The following SLC16A9 variants were observed in gnomAD, a reference collection of about 807,000 sequenced individuals.
SLC16A9 encodes the protein solute carrier family 16 member 9.
A neutral mutation model predicts 44.3 loss-of-function variants in SLC16A9; 26 were observed. The ratio of observed to expected loss-of-function variants is 0.59; its 90% confidence interval spans 0.43 to 0.81. The LOEUF (loss-of-function observed/expected upper bound fraction) is 0.81, where lower values mean the gene tolerates loss of function less well. Among genes scored for constraint, SLC16A9 ranks in the 40% least tolerant of loss-of-function variants. The pLI is 0.00. For missense variants in SLC16A9, 559 were observed against 595.8 expected, an observed-to-expected ratio of 0.94 and a Z score of 0.64; for synonymous variants, 230 against 225.1, an observed-to-expected ratio of 1.02 and a Z score of -0.19.
chr10:59,674,150 C>T (rs970370062), intron 2 of SLC16A9, among the ~76,000 whole-genome samples: 1 of 152,150 alleles, frequency 6.6e-6, no homozygotes, highest in African/African-American at 2.4e-5. Context: ...GCTATACTGT[C>T]ATGATACATA....
At chr10:59,701,416 G>T (rs898386765) in intron 1 of SLC16A9, among the ~76,000 whole-genome samples, 3 of 152,128 alleles carry the variant, frequency 2.0e-5, no homozygotes, top group African/African-American at 7.2e-5. Context: ...CAATTTTTCA[G>T]ATCCTTCCAT....
intron 1 of SLC16A9, among the ~76,000 whole-genome samples, chr10:59,696,681 A>G (rs1326366508): frequency 1.4e-5 from 2 of 140,046 alleles, no homozygotes. Context: ...CCGGCCGCCC[A>G]TCATCTGAGA....
At chr10:59,663,292 C>G (rs1241386197) in intron 4 of SLC16A9, among the ~76,000 whole-genome samples, 1 of 151,932 alleles carries the variant, frequency 6.6e-6, no homozygotes, top group African/African-American at 2.4e-5. Context: ...ACCCGGGAGG[C>G]AGAGGTTGTG....
chr10:59,706,901 G>A (rs1025503978), intron 1 of SLC16A9, among the ~76,000 whole-genome samples: 6 of 150,488 alleles, frequency 4.0e-5, no homozygotes, highest in Admixed American at 1.3e-4. Flanking sequence ...TTGAACCCGG[G>A]AGGCAGAGGT....
chr10:59,707,275 G>GAGGGAAGGGAAGGGAAGGGAAGGGA (rs1160399534), intron 1 of SLC16A9, among the ~76,000 whole-genome samples: 15 of 62,696 alleles, frequency 2.4e-4, no homozygotes, highest in African/African-American at 8.9e-4. Flanking sequence ...GAGGGGAGAG[G>GAGGGAAGGGAAGGGAAGGGAAGGGA]AGGGAAGGGA....
chr10:59,706,168 C>A (rs1438882915), intron 1 of SLC16A9, among the ~76,000 whole-genome samples: 1 of 151,578 alleles, frequency 6.6e-6, no homozygotes, highest in Non-Finnish European at 1.5e-5. Context: ...ATGTTCTACC[C>A]TATGACTCCA....
At chr10:59,675,085 A>T (rs1839830162) in intron 2 of SLC16A9, among the ~76,000 whole-genome samples, 1 of 152,236 alleles carries the variant, frequency 6.6e-6, no homozygotes, top group African/African-American at 2.4e-5. Flanking sequence ...CTCTACTTTC[A>T]CATTGCCATC....
At chr10:59,661,328 C>CA (rs1447512323) in intron 4 of SLC16A9, among the ~76,000 whole-genome samples, 1 of 152,128 alleles carries the variant, frequency 6.6e-6, no homozygotes, top group Non-Finnish European at 1.5e-5. Context: ...AAATCAATGG[C>CA]AAAAATCACA....
At chr10:59,696,486 C>T (rs376652287) in intron 1 of SLC16A9, among the ~76,000 whole-genome samples, 53 of 152,190 alleles carry the variant, frequency 3.5e-4, no homozygotes, top group Admixed American at 7.2e-4. Context: ...TGCCTTGGCC[C>T]CCCAAAGTGC....
chr10:59,683,975 G>C, intron 2 of SLC16A9, 121 bp downstream of exon 2: 1 of 704,378 alleles, frequency 1.4e-6, no homozygotes. Context: ...TGCAATGAAG[G>C]CAGGAAAAGA....
chr10:59,705,647 A>T (rs1307125579), intron 1 of SLC16A9, among the ~76,000 whole-genome samples: 4 of 152,232 alleles, frequency 2.6e-5, no homozygotes, highest in Admixed American at 6.5e-5. Flanking sequence ...ATATCATAGG[A>T]ATGCAGGTTT....
intron 1 of SLC16A9, among the ~76,000 whole-genome samples, chr10:59,688,994 G>A (rs926087643): frequency 1.3e-5 from 2 of 151,888 alleles, no homozygotes; most frequent in East Asian, 3.9e-4. Context: ...CCCTGCCTTC[G>A]GTGACATTTC....
At chr10:59,686,864 C>A (rs1053634239) in intron 1 of SLC16A9, among the ~76,000 whole-genome samples, 1 of 152,154 alleles carries the variant, frequency 6.6e-6, no homozygotes, top group African/African-American at 2.4e-5. Flanking sequence ...TTCAGGACAT[C>A]CTCCACCTTG....
chr10:59,706,999 CAAAA>C (rs760131923), intron 1 of SLC16A9, among the ~76,000 whole-genome samples: 1 of 90,510 alleles, frequency 1.1e-5, no homozygotes, highest in Admixed American at 1.2e-4. Context: ...AACTCCATCT[CAAAA>C]AAAAAAAAAA....
chr10:59,700,803 T>G (rs1840506028), intron 1 of SLC16A9, among the ~76,000 whole-genome samples: 1 of 152,208 alleles, frequency 6.6e-6, no homozygotes, highest in Admixed American at 6.5e-5. Flanking sequence ...TGGCATTCCC[T>G]GCATCCTCAC....
chr10:59,706,446 G>T (rs529029130), intron 1 of SLC16A9, among the ~76,000 whole-genome samples: 1 of 152,188 alleles, frequency 6.6e-6, no homozygotes, highest in East Asian at 1.9e-4. Context: ...CAATACAGTG[G>T]TTCCTCAGAA....
chr10:59,681,057 C>A (rs950450274), intron 2 of SLC16A9, among the ~76,000 whole-genome samples: 3 of 151,908 alleles, frequency 2.0e-5, no homozygotes, highest in African/African-American at 4.8e-5. Context: ...AGACTGTCTG[C>A]GTGTCAAATC....
At chr10:59,693,103 T>C (rs1044936660) in intron 1 of SLC16A9, among the ~76,000 whole-genome samples, 1 of 152,240 alleles carries the variant, frequency 6.6e-6, no homozygotes, top group African/African-American at 2.4e-5. Flanking sequence ...TTTCATTTTA[T>C]ACTGTTCAAG....
chr10:59,664,409 A>G (rs1322974020), intron 3 of SLC16A9, 87 bp from the exon 4 acceptor site: 2 of 787,334 alleles, frequency 2.5e-6, no homozygotes, highest in Non-Finnish European at 4.1e-6. Flanking sequence ...GTCCGATAAG[A>G]CATTCCATTA....
Sources: allele counts gnomAD v4.1 joint callset (sites outside exome capture counted in the v4.1 genomes callset), GRCh38; gene constraint gnomAD v4.1.1; transcripts MANE v1.5; gene names NCBI Gene and HGNC (gene_info 2026-07-23, HGNC 2026-07-21).